ASIC2: variants seen among roughly 807,000 people sequenced by gnomAD.
ASIC2 encodes acid-sensing ion channel 2.
A neutral mutation model predicts 57.3 loss-of-function variants in ASIC2; 25 were observed. That is an observed-to-expected ratio of 0.44 (90% CI 0.32 to 0.61). The LOEUF (loss-of-function observed/expected upper bound fraction) is 0.61. ASIC2 is among the 20% of genes least tolerant of loss of function. ASIC2 has a pLI of 0.06. For missense variants in ASIC2, 641 were observed against 738.1 expected (o/e 0.87, Z 1.52); for synonymous variants, 319 against 307.5 (o/e 1.04, Z -0.39).
At chr17:33,205,057 C>T (rs1184945280) in intron 1 of ASIC2, among the ~76,000 whole-genome samples, 2 of 152,210 alleles carry the variant, frequency 1.3e-5, no homozygotes, top group East Asian at 3.8e-4. Context: ...CCAAAAGTGC[C>T]CTCACCGATA....
chr17:33,745,695 C>G (rs990237706), intron 1 of ASIC2, among the ~76,000 whole-genome samples: 9 of 151,804 alleles, frequency 5.9e-5, no homozygotes, highest in Non-Finnish European at 1.3e-4. Context: ...ATCTAATGCC[C>G]AGAAAAACTA....
intron 1 of ASIC2, among the ~76,000 whole-genome samples, chr17:33,813,808 G>T (rs906533836): frequency 6.6e-6 from 1 of 151,842 alleles, no homozygotes; most frequent in Non-Finnish European, 1.5e-5. Flanking sequence ...AGATAATTTG[G>T]CATGCTTTAC....
intron 1 of ASIC2, among the ~76,000 whole-genome samples, chr17:33,418,499 T>A (rs1455664516): frequency 6.6e-6 from 1 of 152,234 alleles, no homozygotes; most frequent in African/African-American, 2.4e-5. Context: ...TTTATGGTTT[T>A]AGGTCTTACG....
chr17:34,008,839 G>T (rs990784961), intron 1 of ASIC2, among the ~76,000 whole-genome samples: 1 of 152,350 alleles, frequency 6.6e-6, no homozygotes, highest in South Asian at 2.1e-4. Flanking sequence ...AGTTTGCAGA[G>T]AACATGTGCA....
chr17:33,372,157 G>A (rs1017375560), intron 1 of ASIC2, among the ~76,000 whole-genome samples: 1 of 152,124 alleles, frequency 6.6e-6, no homozygotes, highest in Non-Finnish European at 1.5e-5. Context: ...CCTGCTGCGA[G>A]TGTCCATGTT....
chr17:33,796,988 G>A (rs372725835), intron 1 of ASIC2, among the ~76,000 whole-genome samples: 2 of 152,186 alleles, frequency 1.3e-5, no homozygotes, highest in East Asian at 3.8e-4. Flanking sequence ...TGCAGTAGGT[G>A]AGCTGGAAGT....
At chr17:33,717,765 G>T (rs1909266789) in intron 1 of ASIC2, among the ~76,000 whole-genome samples, 1 of 152,166 alleles carries the variant, frequency 6.6e-6, no homozygotes, top group Non-Finnish European at 1.5e-5. Context: ...TAACTCAGGG[G>T]CCTCCTCTCT....
chr17:33,817,758 A>C (rs979307684), intron 1 of ASIC2, among the ~76,000 whole-genome samples: 1 of 152,218 alleles, frequency 6.6e-6, no homozygotes, highest in East Asian at 1.9e-4. Flanking sequence ...TTTCCTAAAG[A>C]ACCCACGATT....
At chr17:33,860,480 A>G (rs1001878599) in intron 1 of ASIC2, among the ~76,000 whole-genome samples, 1 of 152,210 alleles carries the variant, frequency 6.6e-6, no homozygotes, top group African/African-American at 2.4e-5. Context: ...AAGAAGCCTG[A>G]GTGGAACAAT....
intron 1 of ASIC2, among the ~76,000 whole-genome samples, chr17:34,099,230 AAAG>A (rs1478901932): frequency 6.8e-6 from 1 of 146,762 alleles, no homozygotes; most frequent in East Asian, 1.9e-4. Flanking sequence ...AAGAAAGAAA[AAAG>A]AAAGAGAGAA....
intron 1 of ASIC2, among the ~76,000 whole-genome samples, chr17:33,526,479 G>A (rs1035327560): frequency 3.9e-5 from 6 of 152,098 alleles, no homozygotes; most frequent in Admixed American, 2.6e-4. Context: ...CATGTCCCCC[G>A]GAGCTGAGTC....
At chr17:33,694,689 T>G (rs969950556) in intron 1 of ASIC2, among the ~76,000 whole-genome samples, 2 of 152,156 alleles carry the variant, frequency 1.3e-5, no homozygotes, top group East Asian at 3.9e-4. Flanking sequence ...TAATGTCATA[T>G]ACAGCCAGAG....
chr17:33,862,854 G>A (rs1237509573), intron 1 of ASIC2, among the ~76,000 whole-genome samples: 1 of 152,226 alleles, frequency 6.6e-6, no homozygotes, highest in Admixed American at 6.5e-5. Context: ...CAGATGGTCA[G>A]TTTCTTGACC....
chr17:33,635,567 TTGCTGGAGAA>T (rs1642029983), intron 1 of ASIC2, among the ~76,000 whole-genome samples: 1 of 152,154 alleles, frequency 6.6e-6, no homozygotes, highest in African/African-American at 2.4e-5. Flanking sequence ...TGCAAGTGAA[TTGCTGGAGAA>T]TGTATTTTTA....
intron 1 of ASIC2, among the ~76,000 whole-genome samples, chr17:33,367,608 C>CT (rs1340789678): frequency 6.6e-6 from 1 of 152,176 alleles, no homozygotes; most frequent in Admixed American, 6.5e-5. Flanking sequence ...GGTACTCACT[C>CT]TTTTTTTGTT....
At chr17:33,290,337 A>G (rs1367280266) in intron 1 of ASIC2, among the ~76,000 whole-genome samples, 1 of 152,248 alleles carries the variant, frequency 6.6e-6, no homozygotes, top group Non-Finnish European at 1.5e-5. Context: ...TGGTAAAATC[A>G]CCATCATAGC....
At position 33,993,198 on chromosome 17, in the gene ASIC2, T is replaced by C. The variant is rs1906053282; in HGVS notation, c.555+162780A>G. On this transcript the variant is annotated intron_variant, in intron 1 of 9. Transcript: ENST00000359872. The stretch of plus-strand genomic sequence containing the variant: ...AGGGAGCCTGAAAGTCAAGCAGAAA[T>C]ATAATTTCATTGGTAGATTGGTAGC... Among the ~76,000 whole-genome samples the C allele has an allele frequency of 3.3e-5, 5 of 152,174 alleles. No homozygotes were observed. In the South Asian group the frequency reaches 1.0e-3, roughly 31 times the overall value.
At chr17:33,918,282 T>C (rs189974043) in intron 1 of ASIC2, among the ~76,000 whole-genome samples, 2 of 152,330 alleles carry the variant, frequency 1.3e-5, no homozygotes, top group Admixed American at 6.5e-5. Flanking sequence ...AAGCACCTTA[T>C]ATGAATCTCC....
intron 1 of ASIC2, among the ~76,000 whole-genome samples, chr17:33,804,801 T>A (rs558299177): frequency 1.7e-4 from 26 of 152,342 alleles, no homozygotes; most frequent in African/African-American, 6.3e-4. Context: ...ATATTAATCC[T>A]TTAGACCTGA....
Sources: gnomAD v4.1 joint callset for allele counts (sites outside exome capture counted in the v4.1 genomes callset) on GRCh38, gnomAD v4.1.1 for gene constraint, MANE v1.5 for transcripts, NCBI Gene and HGNC (gene_info 2026-07-23, HGNC 2026-07-21) for gene names.